Variants in KIF1B observed in about 807,000 individuals in gnomAD.
The protein encoded by KIF1B is kinesin-like protein KIF1B.
In KIF1B, 76 loss-of-function variants were observed where a neutral mutation model predicts 241.9. The observed-to-expected ratio is 0.31, with a 90% CI of 0.26 to 0.38. The LOEUF (loss-of-function observed/expected upper bound fraction) is 0.38, where lower values mean the gene tolerates loss of function less well. Among genes scored for constraint, KIF1B ranks in the 10% least tolerant of loss-of-function variants. The pLI is 1.00. For synonymous variants in KIF1B, 750 were observed against 796.7 expected (o/e 0.94, Z 0.99); for missense variants, 1,622 against 2,271.4 (o/e 0.71, Z 5.81).
At chr1:10,229,850 G>A (rs1400839735) in intron 1 of KIF1B, among the ~76,000 whole-genome samples, 1 of 126,618 alleles carries the variant, frequency 7.9e-6, no homozygotes. Flanking sequence ...CCTGGGTGAT[G>A]GAGTGAGACT....
At chr1:10,318,646 G>A (rs192055428) in intron 22 of KIF1B, among the ~76,000 whole-genome samples, 1 of 152,302 alleles carries the variant, frequency 6.6e-6, no homozygotes, top group Non-Finnish European at 1.5e-5. Context: ...TTGAACCCGG[G>A]AGGTGGATGT....
chr1:10,263,351 AC>A (rs112856444), intron 5 of KIF1B, among the ~76,000 whole-genome samples: 26 of 151,032 alleles, frequency 1.7e-4, no homozygotes, highest in Admixed American at 1.6e-3. Context: ...TCTCACCGCC[AC>A]CCCCCCACCA....
intron 15 of KIF1B, among the ~76,000 whole-genome samples, chr1:10,284,649 C>T (rs1649598516): frequency 6.6e-6 from 1 of 152,090 alleles, no homozygotes; most frequent in Non-Finnish European, 1.5e-5. Context: ...TGCGCCATTG[C>T]ATTCCAGTCT....
At chr1:10,323,755 T>C in intron 24 of KIF1B, 129 bp from the exon 25 acceptor site, 1 of 733,836 alleles carries the variant, frequency 1.4e-6, no homozygotes. Context: ...TATTTTTCAG[T>C]AGAAAGTTAG....
intron 2 of KIF1B, among the ~76,000 whole-genome samples, chr1:10,236,981 A>G (rs942941788): frequency 2.2e-4 from 34 of 152,200 alleles, no homozygotes; most frequent in African/African-American, 7.7e-4. Context: ...TGTTGCTCAC[A>G]AGGATTATAA....
rs1273274886 is a variant in KIF1B, at chr1:10,376,082, C to T, written c.5409-463C>T. On this transcript the variant is annotated intron_variant, in intron 48 of 48. Transcript: ENST00000676179. ...CCTCCCAAAGTGCTGGGATTACAAG[C>T]GTGAGCCACCACATCTGGCTTGAAA... 3.3e-5 allele frequency among the ~76,000 whole-genome samples: 5 copies of T among 151,890 alleles called. No individual in the cohort carries two copies. The East Asian group carries it at 5.8e-4, about 18-fold the overall frequency.
At position 10,282,542 on chromosome 1, in the gene KIF1B, T is replaced by C. The variant is rs770024434; in HGVS notation, c.1434+9T>C. Reference sequence around the variant, plus strand: ...CTATTGAACGTTTAAAGGTAAGTAATAGTTCAGACTGAATACAAGGTATTC... The same window carrying C: ...CTATTGAACGTTTAAAGGTAAGTAACAGTTCAGACTGAATACAAGGTATTC... On this transcript the variant is annotated intron_variant, in intron 15 of 48. Transcript: ENST00000676179. 4.6e-5 allele frequency: 74 copies of C among 1,602,408 alleles called. No individual in the cohort carries two copies. In the Admixed American group the frequency reaches 6.5e-4, roughly 14 times the overall value.
chr1:10,252,108 C>T (rs1390959198), intron 2 of KIF1B, among the ~76,000 whole-genome samples: 1 of 151,698 alleles, frequency 6.6e-6, no homozygotes, highest in Non-Finnish European at 1.5e-5. Context: ...GGTGCAATCT[C>T]GGCTCACTGC....
chr1:10,303,166 G>A lies in KIF1B; in HGVS notation c.2115+5920G>A, dbSNP rs770253056. 44 of 1,611,210 alleles carry A rather than the reference G, an allele frequency of 2.7e-5. No individual in the cohort carries two copies. In the Admixed American group the frequency reaches 3.4e-4, roughly 12 times the overall value. The stretch of plus-strand genomic sequence containing the variant: ...TTTTGATTTTGTTTTTCCAAAGGAC[G>A]CGGATTCTGATAGCGGGGACGATTC... On this transcript the variant is annotated intron_variant, in intron 22 of 48. Coordinates refer to ENST00000676179, the MANE Select transcript of KIF1B (RefSeq NM_001365951.3). This position sits in a 1 kb window ranked among gnomAD's most constrained non-coding sequence, Gnocchi z 5.2.
At chr1:10,213,784 C>T (rs1646726818) in intron 1 of KIF1B, among the ~76,000 whole-genome samples, 1 of 151,952 alleles carries the variant, frequency 6.6e-6, no homozygotes. Context: ...TTTTTTTGTG[C>T]AGCTTGTCAG....
chr1:10,284,519 C>A (rs926527684), intron 15 of KIF1B, among the ~76,000 whole-genome samples: 3 of 152,114 alleles, frequency 2.0e-5, no homozygotes, highest in African/African-American at 7.2e-5. Flanking sequence ...AACCCCATCT[C>A]AACTAAAAAT....
chr1:10,304,561 C>T, intron 22 of KIF1B: 1 of 1,614,104 alleles, frequency 6.2e-7, no homozygotes, highest in Non-Finnish European at 8.5e-7. Flanking sequence ...CAAACCCAGC[C>T]ACTGTAGCCA....
At chr1:10,330,946 A>G (rs1382244364) in intron 27 of KIF1B, among the ~76,000 whole-genome samples, 1 of 152,214 alleles carries the variant, frequency 6.6e-6, no homozygotes, top group Non-Finnish European at 1.5e-5. Context: ...GGTGTTTGAA[A>G]TAAGACCTGA....
chr1:10,232,475 TCC>T, intron 2 of KIF1B, 41 bp downstream of exon 2: 1 of 1,392,760 alleles, frequency 7.2e-7, no homozygotes, highest in African/African-American at 1.4e-5. Context: ...TATCTTACTT[TCC>T]TTTCTTCTTT....
chr1:10,329,789 C>T (rs530074010), intron 27 of KIF1B, among the ~76,000 whole-genome samples: 1 of 152,216 alleles, frequency 6.6e-6, no homozygotes, highest in South Asian at 2.1e-4. Flanking sequence ...TGTTTTTTAG[C>T]CATGACTGCC....
At chr1:10,289,833 G>A (rs1049502726) in intron 15 of KIF1B, among the ~76,000 whole-genome samples, 3 of 152,090 alleles carry the variant, frequency 2.0e-5, no homozygotes, top group Admixed American at 1.3e-4. Context: ...GCAGTGAGCC[G>A]AGATCGCACC....
intron 45 of KIF1B, 71 bp downstream of exon 45, chr1:10,371,333 A>C: frequency 1.0e-3 from 1,563 of 1,564,602 alleles, no homozygotes; most frequent in Non-Finnish European, 1.2e-3. Context: ...CCTCTAGCTC[A>C]ATGGTTCTTG....
chr1:10,214,826 C>T (rs552150891), intron 1 of KIF1B, among the ~76,000 whole-genome samples: 1 of 151,994 alleles, frequency 6.6e-6, no homozygotes, highest in African/African-American at 2.4e-5. Flanking sequence ...TGTGATCCAC[C>T]CACCTCAGCC....
At chr1:10,357,379 A>T (rs1021234796) in intron 38 of KIF1B, among the ~76,000 whole-genome samples, 1 of 152,138 alleles carries the variant, frequency 6.6e-6, no homozygotes, top group Non-Finnish European at 1.5e-5. Context: ...GTAACCCTAA[A>T]TTCTATTGCC....
Sources: gnomAD v4.1 joint callset for allele counts (sites outside exome capture counted in the v4.1 genomes callset) on GRCh38, gnomAD v4.1.1 for gene constraint, Gnocchi (gnomAD v3.1) non-coding constraint, MANE v1.5 for transcripts, NCBI Gene and HGNC (gene_info 2026-07-23, HGNC 2026-07-21) for gene names.